Variants in TLN1 observed in about 807,000 individuals in gnomAD.
TLN1 encodes talin-1.
Under a neutral mutation model 292.3 loss-of-function variants are expected in TLN1, and 56 were observed. That is an observed-to-expected ratio of 0.19 (90% CI 0.15 to 0.24). The LOEUF (loss-of-function observed/expected upper bound fraction) is 0.24, where lower values mean the gene tolerates loss of function less well. Among genes scored for constraint, TLN1 ranks in the 10% least tolerant of loss-of-function variants. The pLI is 1.00. For synonymous variants in TLN1, 1,119 were observed against 1,253.7 expected (o/e 0.89, Z 2.27); for missense variants, 2,433 against 3,248.2 (o/e 0.75, Z 6.10).
In TLN1 at chr9:35,706,579, A is replaced by G. The variant is rs1314225146; in HGVS notation, c.5089-28T>C. 2 of 1,610,328 alleles carry G rather than the reference A, an allele frequency of 1.2e-6. No homozygotes were observed. Among genetic ancestry groups the G allele is most frequent in the African/African-American group, 1.3e-5 (1 of 74,952 alleles). On this transcript the variant is annotated intron_variant, in intron 38 of 56. Coordinates refer to ENST00000314888, the MANE Select transcript of TLN1 (RefSeq NM_006289.4). The surrounding 1 kb of genome is among the most constrained non-coding windows in gnomAD (Gnocchi z 4.2). ...GGGGAGGAAGTGGACATTAGCCCTG[A>G]TGGTGACCTGCAATAGGACCCTCTG... is the stretch of plus-strand genomic sequence containing the variant.
rs1825655301 is a variant in TLN1 at position 35,710,825 on chromosome 9, C to A, written c.4175G>T (p.Cys1392Phe). The A allele has an allele frequency of 1.9e-6, 3 of 1,614,140 alleles. No individual in the cohort carries two copies. Among genetic ancestry groups the A allele is most frequent in the African/African-American group, 2.7e-5 (2 of 74,946 alleles). ...QPINDMSYFG[C>F]LDSVMENSKV... ...TGAGTTCTCCATTACACTGTCCAGG[C>A]AACCAAAGTAGGACATGTCATTGAT... The change falls in exon 32 of 57, where the codon TGC becomes TTC. Residue 1392 changes from cysteine to phenylalanine, a missense_variant. By Grantham distance (205) the Cys-to-Phe change is radical. This residue lies in a region of TLN1 where 1,384 missense variants were observed against 1,699.6 expected (regional missense o/e 0.81). Transcript: ENST00000314888.
At chr9:35,723,741 T>G in intron 7 of TLN1, 2 of 626,306 alleles carry the variant, frequency 3.2e-6, no homozygotes, top group Non-Finnish European at 5.3e-6. Context: ...GAGATGGGGG[T>G]AGGGGCAGAG....
chr9:35,720,429 G>A lies in TLN1; in HGVS notation c.1283+4C>T, dbSNP rs745877559. The A allele has an allele frequency of 1.0e-4, 163 of 1,613,754 alleles. No individual in the cohort carries two copies. The highest frequency in any genetic ancestry group is 1.3e-4 in the Non-Finnish European group (151 of 1,179,878). The stretch of plus-strand genomic sequence containing the variant: ...AAATGGGATCAGCCCAACTCCCTTC[G>A]TACTTTTTGGGGGACACTGAGTCCT... On this transcript the variant is annotated splice_donor_region_variant and intron_variant, in intron 12 of 56. Coordinates refer to ENST00000314888, the MANE Select transcript of TLN1 (RefSeq NM_006289.4).
Position 35,719,627 on chromosome 9 carries a change from C to T in TLN1, c.1579G>A (p.Ala527Thr). ...DTLPPLGQDA[A>T]SKAWRKNKMD... ...TTGTTTTTACGCCAGGCCTTAGAGG[C>T]CTGAAAGAGAGAGGAAAAGCCTTCA... Residue 527 changes from alanine to threonine, a missense_variant and splice_region_variant, in exon 15 of 57, where the codon GCC (alanine) becomes ACC (threonine). Ala to Thr is a moderately conservative substitution (Grantham distance 58). Coordinates refer to ENST00000314888, the MANE Select transcript of TLN1 (RefSeq NM_006289.4). This position sits in a 1 kb window ranked among gnomAD's most constrained non-coding sequence, Gnocchi z 4.6. 6.2e-7 allele frequency: 1 copy of T among 1,614,062 alleles called. No homozygotes were observed. Among genetic ancestry groups the T allele is most frequent in the Non-Finnish European group, 8.5e-7 (1 of 1,179,912 alleles).
chr9:35,704,250 C>G lies in TLN1; in HGVS notation c.6048-76G>C. The G allele has an allele frequency of 6.3e-7, 1 of 1,575,294 alleles. No individual in the cohort carries two copies. Among genetic ancestry groups the G allele is most frequent in the Non-Finnish European group, 8.6e-7 (1 of 1,158,852 alleles). ...CCAAGGTGCCTGGTCCAGGTCTTCC[C>G]CATTCCAGCGAATGCTATCCTGCCT... On this transcript the variant is annotated intron_variant, in intron 45 of 56. Coordinates refer to ENST00000314888, the MANE Select transcript of TLN1 (RefSeq NM_006289.4). This position sits in a 1 kb window ranked among gnomAD's most constrained non-coding sequence, Gnocchi z 6.9.
Position 35,711,622 on chromosome 9 carries a change from A to C in TLN1, c.3852T>G (p.Ala1284=). 6.2e-7 allele frequency: 1 copy of C among 1,613,872 alleles called. No homozygotes were observed. The highest frequency in any genetic ancestry group is 8.5e-7 in the Non-Finnish European group (1 of 1,179,988). The change falls in exon 29 of 57, where the codon GCT becomes GCG. Residue 1284 remains alanine (A), a synonymous_variant. Transcript: ENST00000314888. ...FGQDFSTFLE[A]GVEMAGQAPS... is the part of the protein sequence containing the mutation. ...GAGCCTGGCCTGCCATCTCCACACCAGCTTCCAGGAAGGTGCTGAAGTCCT... is the reference window on the plus strand; with the variant it reads ...GAGCCTGGCCTGCCATCTCCACACCCGCTTCCAGGAAGGTGCTGAAGTCCT...
chr9:35,714,461 C>A lies in TLN1; in HGVS notation c.2986-88G>T. 1 of 1,576,212 alleles carries A rather than the reference C, an allele frequency of 6.3e-7. No individual in the cohort carries two copies. Among genetic ancestry groups the A allele is most frequent in the South Asian group, 1.1e-5 (1 of 87,436 alleles). ...CTGATGATGGTCAGGATGTAGGGAACACTGGGGCTTGGTATTGGGAAAGAG... is the reference window on the plus strand; with the variant it reads ...CTGATGATGGTCAGGATGTAGGGAAAACTGGGGCTTGGTATTGGGAAAGAG... On this transcript the variant is annotated intron_variant, in intron 23 of 56. Coordinates refer to ENST00000314888, the MANE Select transcript of TLN1 (RefSeq NM_006289.4). This position sits in a 1 kb window ranked among gnomAD's most constrained non-coding sequence, Gnocchi z 4.6.
chr9:35,720,466 G>A lies in TLN1; in HGVS notation c.1250C>T (p.Ser417Phe). The A allele has an allele frequency of 1.2e-6, 2 of 1,614,128 alleles. No homozygotes were observed. Among genetic ancestry groups the A allele is most frequent in the South Asian group, 2.2e-5 (2 of 91,084 alleles). The change falls in exon 12 of 57, where the codon TCT (serine) becomes TTT (phenylalanine). Residue 417 changes from serine to phenylalanine, a missense_variant. Ser to Phe is a radical substitution (Grantham distance 155). This residue lies in a region of TLN1 where 617 missense variants were observed against 770.6 expected (regional missense o/e 0.80). Coordinates refer to ENST00000314888, the MANE Select transcript of TLN1 (RefSeq NM_006289.4). ...DHFGLEGDEE[S>F]TMLEDSVSPK... ...GGACACTGAGTCCTCCAGCATAGTA[G>A]ACTCCTCATCTCCTTCCAGCCCAAA... is the stretch of plus-strand genomic sequence containing the variant.
In TLN1 at chr9:35,707,335, C is replaced by T. The variant is rs369010265; in HGVS notation, c.4773+13G>A. 118 of 1,613,114 alleles carry T rather than the reference C, an allele frequency of 7.3e-5. No homozygotes were observed. The highest frequency in any genetic ancestry group is 3.5e-4 in the Admixed American group (21 of 59,964). On this transcript the variant is annotated intron_variant, in intron 36 of 56. Transcript: ENST00000314888. The surrounding 1 kb of genome is among the most constrained non-coding windows in gnomAD (Gnocchi z 5.6). ...TAAGCTGGCCCATCAGTTCCCCCTTCACATCGCCTCACCTCAGGGCTGATC... is the reference window on the plus strand; with the variant it reads ...TAAGCTGGCCCATCAGTTCCCCCTTTACATCGCCTCACCTCAGGGCTGATC...
chr9:35,719,654 G>A lies in TLN1; in HGVS notation c.1579-27C>T. ...TGAAAGAGAGAGGAAAAGCCTTCAG[G>A]ATCTGCCCTGGTTTGGTTCACCTCA... On this transcript the variant is annotated intron_variant, in intron 14 of 56. Coordinates refer to ENST00000314888, the MANE Select transcript of TLN1 (RefSeq NM_006289.4). This position sits in a 1 kb window ranked among gnomAD's most constrained non-coding sequence, Gnocchi z 4.6. 1.2e-6 allele frequency: 2 copies of A among 1,612,820 alleles called. No homozygotes were observed. Among genetic ancestry groups the A allele is most frequent in the Non-Finnish European group, 1.7e-6 (2 of 1,178,792 alleles).
Position 35,719,646 on chromosome 9 carries a change from G to A in TLN1, c.1579-19C>T. The A allele has an allele frequency of 1.2e-6, 2 of 1,613,238 alleles. No homozygotes were observed. Reference sequence around the variant, plus strand: ...TAGAGGCCTGAAAGAGAGAGGAAAAGCCTTCAGGATCTGCCCTGGTTTGGT... The same window carrying A: ...TAGAGGCCTGAAAGAGAGAGGAAAAACCTTCAGGATCTGCCCTGGTTTGGT... On this transcript the variant is annotated intron_variant, in intron 14 of 56. Coordinates refer to ENST00000314888, the MANE Select transcript of TLN1 (RefSeq NM_006289.4). This position sits in a 1 kb window ranked among gnomAD's most constrained non-coding sequence, Gnocchi z 4.6.
chr9:35,724,805 T>C lies in TLN1; in HGVS notation c.358+25A>G, dbSNP rs1382892553. The C allele has an allele frequency of 1.2e-6, 2 of 1,614,014 alleles. No homozygotes were observed. Among genetic ancestry groups the C allele is most frequent in the Non-Finnish European group, 1.7e-6 (2 of 1,179,896 alleles). ...AGAGTTGAGGCTTTCTGGCCCAGGC[T>C]TTCAACTGTACTAGGGCCCCTTACC... On this transcript the variant is annotated intron_variant, in intron 4 of 56. Transcript: ENST00000314888. The surrounding 1 kb of genome is among the most constrained non-coding windows in gnomAD (Gnocchi z 4.7).
Position 35,699,597 on chromosome 9 carries a change from C to T in TLN1, c.6769-136G>A. On this transcript the variant is annotated intron_variant, in intron 50 of 56. Coordinates refer to ENST00000314888, the MANE Select transcript of TLN1 (RefSeq NM_006289.4). This position sits in a 1 kb window ranked among gnomAD's most constrained non-coding sequence, Gnocchi z 4.0. ...ACCATAGCCCTCAAACTCCACGCTG[C>T]CTATCCAAGTACACATCATGCATCA... 1 of 1,429,872 alleles carries T rather than the reference C, an allele frequency of 7.0e-7. No homozygotes were observed. Among genetic ancestry groups the T allele is most frequent in the Non-Finnish European group, 9.1e-7 (1 of 1,094,982 alleles). The allele number at this position is 1,429,872 out of a possible 1,614,324, so 88.6% of individuals were successfully genotyped here.
Position 35,703,902 on chromosome 9 carries a change from TGTGTGGGAAAG to T in TLN1, c.6232-13_6232-3del. 6.2e-7 allele frequency: 1 copy of T among 1,614,156 alleles called. No homozygotes were observed. Among genetic ancestry groups the T allele is most frequent in the Non-Finnish European group, 8.5e-7 (1 of 1,180,032 alleles). ...TTTCACTGCGTTGATTAGTACCACCTGTGTGGGAAAGCGTTGGCTCTGGTCTATGGGAGGAA... is the reference window on the plus strand; with the variant it reads ...TTTCACTGCGTTGATTAGTACCACCTCGTTGGCTCTGGTCTATGGGAGGAA... On this transcript the variant is annotated splice_polypyrimidine_tract_variant and splice_region_variant and intron_variant, in intron 46 of 56. Transcript: ENST00000314888.
At position 35,717,831 on chromosome 9, in the gene TLN1, AT is replaced by A; in HGVS notation, c.1996-46del. The A allele has an allele frequency of 1.3e-6, 2 of 1,569,962 alleles. No individual in the cohort carries two copies. The highest frequency in any genetic ancestry group is 1.7e-6 in the Non-Finnish European group (2 of 1,150,592). On this transcript the variant is annotated intron_variant, in intron 17 of 56. Coordinates refer to ENST00000314888, the MANE Select transcript of TLN1 (RefSeq NM_006289.4). The surrounding 1 kb of genome is among the most constrained non-coding windows in gnomAD (Gnocchi z 4.7). ...AGCATGACCTGAGATTGGGCTTGGG[AT>A]TCACAGACACTTCTCAGAGGCGTAA...
rs774995172 is a variant in TLN1, at chr9:35,706,786, A to T, written c.5070T>A (p.Arg1690=). ...LAAVSQQLAP[R]EGISQEALHT... Reference sequence around the variant, plus strand: ...CTCTCACCTCTTGAGAGATTCCCTCACGGGGAGCAAGCTGCTGGCTGACTG... The same window carrying T: ...CTCTCACCTCTTGAGAGATTCCCTCTCGGGGAGCAAGCTGCTGGCTGACTG... Residue 1690 remains arginine, a synonymous_variant, in exon 38 of 57, where the codon CGT becomes CGA. Coordinates refer to ENST00000314888, the MANE Select transcript of TLN1 (RefSeq NM_006289.4). The surrounding 1 kb of genome is among the most constrained non-coding windows in gnomAD (Gnocchi z 4.2). 6.2e-7 allele frequency: 1 copy of T among 1,613,764 alleles called. No homozygotes were observed. Among genetic ancestry groups the T allele is most frequent in the South Asian group, 1.1e-5 (1 of 91,072 alleles).
chr9:35,710,249 T>C (rs532835871), intron 33 of TLN1, among the ~76,000 whole-genome samples: 2 of 139,052 alleles, frequency 1.4e-5, no homozygotes, highest in African/African-American at 5.2e-5. Context: ...AAAAAGAAAG[T>C]AGTAATAACA....
rs1198350314 is a variant in TLN1 at position 35,724,174 on chromosome 9, G to A, written c.654+18C>T. ...CCCTCCCTATTCCTGCCCCACCCCA[G>A]CCAAGTCCTCTGCATACCTGCACAT... On this transcript the variant is annotated intron_variant, in intron 6 of 56. Coordinates refer to ENST00000314888, the MANE Select transcript of TLN1 (RefSeq NM_006289.4). This position sits in a 1 kb window ranked among gnomAD's most constrained non-coding sequence, Gnocchi z 4.7. The A allele has an allele frequency of 6.2e-7, 1 of 1,614,094 alleles. No individual in the cohort carries two copies. Among genetic ancestry groups the A allele is most frequent in the South Asian group, 1.1e-5 (1 of 91,086 alleles).
chr9:35,725,618 TAC>T lies in TLN1; in HGVS notation c.75_76del (p.Tyr26ArgfsTer8), dbSNP rs762559431. Reference sequence around the variant, plus strand: ...CTCACGAATGATGCGGCAGGCGTCGTACACCATGGTAGACGGCTCAAACTGCA... The same window carrying T: ...CTCACGAATGATGCGGCAGGCGTCGTACCATGGTAGACGGCTCAAACTGCA... On this transcript the variant is annotated frameshift_variant, in exon 2 of 57. Transcript: ENST00000314888. LOFTEE classifies it high-confidence loss of function. 1 of 1,613,798 alleles carries T rather than the reference TAC, an allele frequency of 6.2e-7. No homozygotes were observed. The highest frequency in any genetic ancestry group is 8.5e-7 in the Non-Finnish European group (1 of 1,179,982).
Sources: gnomAD v4.1 joint callset for allele counts (sites outside exome capture counted in the v4.1 genomes callset) on GRCh38, gnomAD v4.1.1 for gene constraint, gnomAD v4.1.1 regional missense constraint, Gnocchi (gnomAD v3.1) non-coding constraint, MANE v1.5 for transcripts, NCBI Gene and HGNC (gene_info 2026-07-23, HGNC 2026-07-21) for gene names.